SPAG17: variants seen among roughly 807,000 people sequenced by gnomAD.
SPAG17 encodes the protein sperm-associated antigen 17.
A neutral mutation model predicts 273.6 loss-of-function variants in SPAG17; 169 were observed. That is an observed-to-expected ratio of 0.62 (90% CI 0.55 to 0.70). The LOEUF is 0.70. SPAG17 is among the 30% of genes least tolerant of loss of function. SPAG17 has a pLI of 0.00. For synonymous variants in SPAG17, 825 were observed against 873.2 expected, an observed-to-expected ratio of 0.94 and a Z score of 0.97; for missense variants, 2,557 against 2,627.8, an observed-to-expected ratio of 0.97 and a Z score of 0.59.
intron 5 of SPAG17, among the ~76,000 whole-genome samples, chr1:118,101,439 G>A (rs1656057510): frequency 6.6e-6 from 1 of 152,136 alleles, no homozygotes; most frequent in Non-Finnish European, 1.5e-5. Context: ...TTTGCTTGCA[G>A]ACACAAATGA....
chr1:118,177,674 T>C (rs1290824604), intron 1 of SPAG17, among the ~76,000 whole-genome samples: 1 of 152,118 alleles, frequency 6.6e-6, no homozygotes, highest in Admixed American at 6.6e-5. Context: ...GTCAAATCTT[T>C]AGCTAGACTA....
chr1:117,959,023 G>A, intron 48 of SPAG17: 1 of 1,610,742 alleles, frequency 6.2e-7, no homozygotes, highest in South Asian at 1.1e-5. Context: ...TTTGTATAGA[G>A]ATAAAATAAT....
At chr1:118,154,005 T>TC (rs1374222574) in intron 1 of SPAG17, among the ~76,000 whole-genome samples, 1 of 152,196 alleles carries the variant, frequency 6.6e-6, no homozygotes, top group Non-Finnish European at 1.5e-5. Context: ...TCTTGTTCCT[T>TC]CCTTTGCTCC....
intron 1 of SPAG17, among the ~76,000 whole-genome samples, chr1:118,175,515 C>T (rs1660652278): frequency 7.3e-6 from 1 of 137,482 alleles, no homozygotes; most frequent in Non-Finnish European, 1.5e-5. Flanking sequence ...CATCTGGTAA[C>T]AAACTTCTCA....
rs373267899 is a variant in SPAG17, at chr1:118,057,087, C to T, written c.2541-1173G>A. Among the ~76,000 whole-genome samples the T allele has an allele frequency of 1.2e-4, 18 of 152,152 alleles. 1 individual carries two copies. Among genetic ancestry groups the T allele is most frequent in the Admixed American group, 7.9e-4 (12 of 15,272 alleles). ...CGCCTCCCGGGTTCAAGCAATTCTC[C>T]TGATTCAGCCTCCCGAGTAGCTGGG... On this transcript the variant is annotated intron_variant, in intron 18 of 48. Coordinates refer to ENST00000336338, the MANE Select transcript of SPAG17 (RefSeq NM_206996.4).
intron 24 of SPAG17, among the ~76,000 whole-genome samples, chr1:118,032,630 T>C (rs1286559833): frequency 6.6e-6 from 1 of 152,066 alleles, no homozygotes; most frequent in Non-Finnish European, 1.5e-5. Context: ...AGTGTCACTC[T>C]GTCACCCAGG....
chr1:118,127,658 A>G (rs1657814911), intron 3 of SPAG17, among the ~76,000 whole-genome samples: 1 of 152,242 alleles, frequency 6.6e-6, no homozygotes, highest in Non-Finnish European at 1.5e-5. Context: ...GTATTTTGGT[A>G]GAGATTGCAT....
At chr1:118,037,454 A>G (rs1649212834) in intron 23 of SPAG17, among the ~76,000 whole-genome samples, 1 of 152,088 alleles carries the variant, frequency 6.6e-6, no homozygotes, top group Non-Finnish European at 1.5e-5. Context: ...TCACCCAGTT[A>G]GTGAGCATAG....
At chr1:118,087,916 G>A (rs149595154) in intron 10 of SPAG17, among the ~76,000 whole-genome samples, 1 of 152,202 alleles carries the variant, frequency 6.6e-6, no homozygotes, top group African/African-American at 2.4e-5. Context: ...TTTTATGCAA[G>A]TAGCACCCTT....
chr1:118,115,490 G>A (rs1435658866), intron 3 of SPAG17, 49 bp from the exon 4 acceptor site: 13 of 1,556,534 alleles, frequency 8.4e-6, no homozygotes, highest in Non-Finnish European at 1.1e-5. Context: ...ATAACCTTTG[G>A]CACAGTCTGT....
intron 1 of SPAG17, among the ~76,000 whole-genome samples, chr1:118,158,057 T>C (rs1219616971): frequency 6.6e-6 from 1 of 152,182 alleles, no homozygotes; most frequent in East Asian, 1.9e-4. Context: ...ATAATAATTT[T>C]CTCTTGGATA....
intron 4 of SPAG17, among the ~76,000 whole-genome samples, chr1:118,103,851 G>GTGTGTGTGTGTGTA (rs1159130940): frequency 3.3e-5 from 5 of 150,958 alleles, no homozygotes; most frequent in Non-Finnish European, 5.9e-5. Context: ...GTGTGTGTGT[G>GTGTGTGTGTGTGTA]TGTGTGTGTG....
At chr1:118,028,113 T>A (rs1647971401) in intron 26 of SPAG17, among the ~76,000 whole-genome samples, 161 bp downstream of exon 26, 1 of 152,200 alleles carries the variant, frequency 6.6e-6, no homozygotes, top group Non-Finnish European at 1.5e-5. Context: ...TACTAAGTAC[T>A]TAGACAGTGC....
At chr1:117,992,002 A>C (rs1385039950) in intron 36 of SPAG17, among the ~76,000 whole-genome samples, 1 of 152,214 alleles carries the variant, frequency 6.6e-6, no homozygotes, top group East Asian at 1.9e-4. Context: ...TGCTAGGTAT[A>C]TAACCATAAA....
At chr1:118,124,931 C>T (rs1657626215) in intron 3 of SPAG17, among the ~76,000 whole-genome samples, 1 of 152,202 alleles carries the variant, frequency 6.6e-6, no homozygotes, top group Non-Finnish European at 1.5e-5. Context: ...TCCCTCTTCT[C>T]CTGGGCATGG....
intron 3 of SPAG17, among the ~76,000 whole-genome samples, chr1:118,131,983 T>C (rs1039528160): frequency 6.6e-6 from 1 of 152,230 alleles, no homozygotes; most frequent in Non-Finnish European, 1.5e-5. Flanking sequence ...ATGCTGGATA[T>C]TCAAAGACAA....
chr1:118,050,360 A>G (rs1248331063), intron 20 of SPAG17, among the ~76,000 whole-genome samples: 1 of 152,188 alleles, frequency 6.6e-6, no homozygotes, highest in African/African-American at 2.4e-5. Flanking sequence ...CTTCTGCTCT[A>G]AAACTTACCT....
chr1:117,982,708 C>T (rs2101598038), intron 42 of SPAG17, among the ~76,000 whole-genome samples: 1 of 152,368 alleles, frequency 6.6e-6, no homozygotes, highest in South Asian at 2.1e-4. Context: ...AATGTCCTCT[C>T]TTACATAGTC....
chr1:118,150,160 T>C lies in SPAG17; in HGVS notation c.315+383A>G, dbSNP rs184653177. Among the ~76,000 whole-genome samples the C allele has an allele frequency of 2.6e-5, 4 of 152,366 alleles. No individual in the cohort carries two copies. The East Asian group carries it at 7.7e-4, about 29-fold the overall frequency. ...CTGGCGCATTTTTACATTGTTTTTT[T>C]CGAGAAACTAACACTTTGTAATATA... is the stretch of plus-strand genomic sequence containing the variant. On this transcript the variant is annotated intron_variant, in intron 3 of 48. Coordinates refer to ENST00000336338, the MANE Select transcript of SPAG17 (RefSeq NM_206996.4).
Sources: allele counts gnomAD v4.1 joint callset (sites outside exome capture counted in the v4.1 genomes callset), GRCh38; gene constraint gnomAD v4.1.1; transcripts MANE v1.5; gene names NCBI Gene and HGNC (gene_info 2026-07-23, HGNC 2026-07-21).